IL23R: variants seen among roughly 807,000 people sequenced by gnomAD.
IL23R encodes interleukin 23 receptor.
A neutral mutation model predicts 56.9 loss-of-function variants in IL23R; 34 were observed. The observed-to-expected ratio is 0.60, with a 90% CI of 0.45 to 0.80. The LOEUF (loss-of-function observed/expected upper bound fraction) is 0.80, where lower values mean the gene tolerates loss of function less well. Ranked by LOEUF, IL23R falls within the 30% of genes least tolerant of loss-of-function variation. The pLI is 0.00. For missense variants in IL23R, 635 were observed against 730.0 expected (o/e 0.87, Z 1.50); for synonymous variants, 230 against 249.2 (o/e 0.92, Z 0.73).
intron 4 of IL23R, among the ~76,000 whole-genome samples, chr1:67,199,773 A>G (rs1161428015): frequency 6.6e-6 from 1 of 152,130 alleles, no homozygotes; most frequent in Non-Finnish European, 1.5e-5. Flanking sequence ...TTGAAATCAT[A>G]CTGTGGCCCT....
chr1:67,227,327 G>A (rs1372437351), intron 7 of IL23R, among the ~76,000 whole-genome samples: 1 of 152,070 alleles, frequency 6.6e-6, no homozygotes, highest in Non-Finnish European at 1.5e-5. Flanking sequence ...TTTAATAACA[G>A]GTTAAAGGCT....
chr1:67,180,446 G>C (rs1413810874), intron 3 of IL23R, among the ~76,000 whole-genome samples: 2 of 151,896 alleles, frequency 1.3e-5, no homozygotes, highest in African/African-American at 4.8e-5. Flanking sequence ...TGCAACCCCT[G>C]CCTTTTTTTG....
chr1:67,233,732 A>G (rs1056529110), intron 7 of IL23R, among the ~76,000 whole-genome samples: 11 of 152,158 alleles, frequency 7.2e-5, no homozygotes, highest in Admixed American at 3.3e-4. Context: ...GATTTTTTTT[A>G]GTATATTCAA....
chr1:67,148,126 T>C (rs1646696003), intron 1 of IL23R, among the ~76,000 whole-genome samples: 2 of 152,240 alleles, frequency 1.3e-5, no homozygotes, highest in African/African-American at 4.8e-5. Context: ...GGCGAGCCTC[T>C]AGCCCGATCC....
intron 1 of IL23R, among the ~76,000 whole-genome samples, chr1:67,166,796 CT>C (rs1444500161): frequency 6.6e-6 from 1 of 152,054 alleles, no homozygotes; most frequent in African/African-American, 2.4e-5. Flanking sequence ...ATTACTATTG[CT>C]AACAAATAAT....
At chr1:67,221,381 C>T (rs10789228) in intron 7 of IL23R, among the ~76,000 whole-genome samples, 72,881 of 151,990 alleles carry the variant, frequency 0.48, 17,949 homozygotes, top group African/African-American at 0.55. Flanking sequence ...TATCAATAAA[C>T]GTTATCTACT....
intron 6 of IL23R, chr1:67,207,830 A>C (rs1649189732): frequency 5.9e-6 from 1 of 169,708 alleles, no homozygotes; most frequent in African/African-American, 2.4e-5. Flanking sequence ...AAAATGTGGA[A>C]GCAACTTTGG....
At chr1:67,262,313 G>T (rs1304417065), downstream of IL23R, among the ~76,000 whole-genome samples, 1 of 152,108 alleles carries the variant, frequency 6.6e-6, no homozygotes, top group African/African-American at 2.4e-5. Context: ...TTTAGTAGGG[G>T]AAGAGGCCAG....
At chr1:67,216,880 C>G (rs1432380937) in intron 6 of IL23R, among the ~76,000 whole-genome samples, 2 of 152,094 alleles carry the variant, frequency 1.3e-5, no homozygotes. Flanking sequence ...TGATTAGTCA[C>G]AAATAAGTTT....
At chr1:67,195,957 G>C (rs1318378133) in intron 4 of IL23R, among the ~76,000 whole-genome samples, 1 of 152,050 alleles carries the variant, frequency 6.6e-6, no homozygotes, top group East Asian at 1.9e-4. Context: ...AATCCTGGTG[G>C]GATATTTTGG....
At chr1:67,205,366 A>G (rs974340914) in intron 5 of IL23R, among the ~76,000 whole-genome samples, 4 of 152,378 alleles carry the variant, frequency 2.6e-5, no homozygotes, top group African/African-American at 9.6e-5. Context: ...AGAAAGTTTT[A>G]TAAACCTAGA....
intron 1 of IL23R, among the ~76,000 whole-genome samples, chr1:67,144,730 C>G (rs1167383642): frequency 1.3e-5 from 2 of 152,144 alleles, no homozygotes; most frequent in Non-Finnish European, 2.9e-5. Context: ...TTCTTAAATG[C>G]TGGTATTCTC....
chr1:67,258,060 C>T (rs1025010602), intron 10 of IL23R, among the ~76,000 whole-genome samples: 3 of 152,016 alleles, frequency 2.0e-5, no homozygotes, highest in African/African-American at 7.2e-5. Context: ...AGGATTCTCC[C>T]CAACCTTTTT....
At chr1:67,230,062 G>A (rs138878583) in intron 7 of IL23R, among the ~76,000 whole-genome samples, 1 of 152,340 alleles carries the variant, frequency 6.6e-6, no homozygotes, top group Non-Finnish European at 1.5e-5. Flanking sequence ...GGAAAAGTCT[G>A]GCGAGGACCC....
chr1:67,200,132 T>C (rs11465793), intron 4 of IL23R, among the ~76,000 whole-genome samples: 63,243 of 151,890 alleles, frequency 0.42, 13,474 homozygotes, highest in Admixed American at 0.49. Flanking sequence ...CTCCTCCTCC[T>C]GGGTTCACGC....
At chr1:67,235,330 A>G (rs1235090971) in intron 7 of IL23R, among the ~76,000 whole-genome samples, 1 of 151,540 alleles carries the variant, frequency 6.6e-6, no homozygotes, top group Non-Finnish European at 1.5e-5. Flanking sequence ...TCCCTCACCC[A>G]CTGTTCTCAG....
intron 4 of IL23R, among the ~76,000 whole-genome samples, chr1:67,186,740 T>G (rs1033968875): frequency 4.6e-5 from 7 of 152,050 alleles, no homozygotes; most frequent in Admixed American, 3.3e-4. Flanking sequence ...TGTCTCAGCC[T>G]CCTGAGTAGC....
Position 67,142,767 on chromosome 1 carries a change from C to A in IL23R, c.-634+3606C>A, listed in dbSNP as rs183365421. ...ATTTTTAATAGAGATGGGGTTTCGC[C>A]ATGTTGGCCAGGCTGGTCTCGAACT... is the stretch of plus-strand genomic sequence containing the variant. On this transcript the variant is annotated intron_variant, in intron 1 of 10. Transcript: ENST00000637002. Among the ~76,000 whole-genome samples, 3 of 152,158 alleles carry A rather than the reference C, an allele frequency of 2.0e-5. No individual in the cohort carries two copies. The East Asian group carries it at 5.8e-4, about 29-fold the overall frequency.
chr1:67,190,575 T>G (rs944303078), intron 4 of IL23R, among the ~76,000 whole-genome samples: 1 of 152,204 alleles, frequency 6.6e-6, no homozygotes, highest in Admixed American at 6.5e-5. Context: ...TGTATTCTAC[T>G]CCATAAATAT....
Sources: gnomAD v4.1 joint callset for allele counts (sites outside exome capture counted in the v4.1 genomes callset) on GRCh38, gnomAD v4.1.1 for gene constraint, MANE v1.5 for transcripts, NCBI Gene and HGNC (gene_info 2026-07-23, HGNC 2026-07-21) for gene names.